Variants in TNRC6B observed in about 807,000 individuals in gnomAD.
TNRC6B encodes trinucleotide repeat containing adaptor 6B, also known as trinucleotide repeat-containing gene 6B protein.
In TNRC6B, 52 loss-of-function variants were observed where a neutral mutation model predicts 203.6. The observed-to-expected ratio is 0.26, with a 90% CI of 0.20 to 0.32. TNRC6B has a LOEUF of 0.32. Among genes scored for constraint, TNRC6B ranks in the 10% least tolerant of loss-of-function variants. TNRC6B has a pLI of 1.00. For synonymous variants in TNRC6B, 838 were observed against 845.7 expected, an observed-to-expected ratio of 0.99 and a Z score of 0.16; for missense variants, 1,923 against 2,286.2, an observed-to-expected ratio of 0.84 and a Z score of 3.24.
chr22:40,069,245 G>A (rs1329047797), intron 1 of TNRC6B, among the ~76,000 whole-genome samples: 1 of 151,882 alleles, frequency 6.6e-6, no homozygotes, highest in East Asian at 1.9e-4. Context: ...GGGATCACAG[G>A]TGCACACTAC....
intron 2 of TNRC6B, among the ~76,000 whole-genome samples, chr22:40,120,684 C>T (rs144111214): frequency 4.6e-5 from 7 of 152,158 alleles, no homozygotes; most frequent in Non-Finnish European, 8.8e-5. Context: ...AAGTAATATT[C>T]TCTTCCCTGC....
At chr22:40,307,964 T>G (rs1243880308) in intron 15 of TNRC6B, among the ~76,000 whole-genome samples, 1 of 152,170 alleles carries the variant, frequency 6.6e-6, no homozygotes, top group Non-Finnish European at 1.5e-5. Flanking sequence ...TCCGCCTCAC[T>G]TCATCCCAGA....
intron 21 of TNRC6B, 69 bp downstream of exon 21, chr22:40,316,081 A>G (rs1259879128): frequency 8.4e-6 from 12 of 1,435,318 alleles, no homozygotes; most frequent in Non-Finnish European, 1.2e-5. Flanking sequence ...AAGGTTGGGC[A>G]TGGTGGCTCA....
At chr22:40,054,720 G>T (rs1303078386) in intron 1 of TNRC6B, among the ~76,000 whole-genome samples, 2 of 152,156 alleles carry the variant, frequency 1.3e-5, no homozygotes, top group South Asian at 2.1e-4. Flanking sequence ...TTAAGAAAGA[G>T]AATTTAAAAT....
intron 10 of TNRC6B, among the ~76,000 whole-genome samples, 184 bp downstream of exon 10, chr22:40,280,327 C>T (rs935969234): frequency 6.6e-6 from 1 of 152,200 alleles, no homozygotes; most frequent in Non-Finnish European, 1.5e-5. Context: ...CAGGCAAGAG[C>T]AAGAACCATC....
At chr22:40,308,793 GT>G (rs2071130649) in intron 16 of TNRC6B, 144 bp downstream of exon 16, 4 of 996,688 alleles carry the variant, frequency 4.0e-6, no homozygotes, top group Non-Finnish European at 5.7e-6. Context: ...TCAGAGTCAT[GT>G]GTATGTTGAA....
At chr22:40,058,709 GTTGGA>G (rs1447256431) in intron 1 of TNRC6B, among the ~76,000 whole-genome samples, 1 of 152,206 alleles carries the variant, frequency 6.6e-6, no homozygotes, top group African/African-American at 2.4e-5. Context: ...GCGTGATGCT[GTTGGA>G]TACCCTGTCG....
chr22:40,247,314 G>C (rs1403727399), intron 2 of TNRC6B, among the ~76,000 whole-genome samples: 1 of 152,164 alleles, frequency 6.6e-6, no homozygotes, highest in East Asian at 1.9e-4. Flanking sequence ...GAAAGAAACT[G>C]TGATAAGGTT....
rs1434587577 is a variant in TNRC6B, at chr22:40,265,704, A to G, written c.1474A>G (p.Asn492Asp). 2 of 1,613,992 alleles carry G rather than the reference A, an allele frequency of 1.2e-6. No homozygotes were observed. The highest frequency in any genetic ancestry group is 2.2e-5 in the South Asian group (2 of 91,076). The part of the protein sequence containing the change: ...GSWNFGPQDS[N>D]DNKWGEGNKM... ...CTGGAACTTTGGCCCCCAGGACTCT[A>G]ATGACAACAAATGGGGTGAAGGGAA... Residue 492 changes from asparagine to aspartate, a missense_variant, in exon 5 of 23, where the codon AAT (asparagine) becomes GAT (aspartate). By Grantham distance (23) the Asn-to-Asp change is conservative. Coordinates refer to ENST00000454349, the MANE Select transcript of TNRC6B (RefSeq NM_001162501.2).
At chr22:40,235,949 A>G (rs2069941407) in intron 1 of TNRC6B, among the ~76,000 whole-genome samples, 1 of 152,202 alleles carries the variant, frequency 6.6e-6, no homozygotes, top group Admixed American at 6.5e-5. Flanking sequence ...AGATGAGTCA[A>G]TGTTTGAAGC....
In TNRC6B at chr22:40,323,388, CAG is replaced by C; in HGVS notation, c.*149_*150del. Reference sequence around the variant, plus strand: ...GAGAGAAAAAAAGGTGGGTCATTGACAGACTGTCTGAGCACATAGTTGCCTCC... The same window carrying C: ...GAGAGAAAAAAAGGTGGGTCATTGACACTGTCTGAGCACATAGTTGCCTCC... On this transcript the variant is annotated 3_prime_UTR_variant, in exon 23 of 23. Transcript: ENST00000454349. 1 of 1,038,096 alleles carries C rather than the reference CAG, an allele frequency of 9.6e-7. No individual in the cohort carries two copies. The highest frequency in any genetic ancestry group is 1.7e-5 in the South Asian group (1 of 57,372). 64.3% of individuals were successfully genotyped at this position (1,038,096 alleles called of 1,614,324 possible).
chr22:40,203,601 A>G (rs2069441116), intron 1 of TNRC6B, among the ~76,000 whole-genome samples: 1 of 152,196 alleles, frequency 6.6e-6, no homozygotes, highest in African/African-American at 2.4e-5. Flanking sequence ...TTCTTTAGTT[A>G]TAATAAGCTC....
chr22:40,255,894 C>T (rs943020805), intron 3 of TNRC6B, among the ~76,000 whole-genome samples: 10 of 152,042 alleles, frequency 6.6e-5, no homozygotes, highest in African/African-American at 2.4e-4. Flanking sequence ...GCTCTGTTGC[C>T]CCAGCTGGAG....
At chr22:40,206,899 C>T (rs952968987) in intron 1 of TNRC6B, among the ~76,000 whole-genome samples, 2 of 152,056 alleles carry the variant, frequency 1.3e-5, no homozygotes, top group South Asian at 2.1e-4. Context: ...CTCTTAGGGC[C>T]GCCGTAACAA....
chr22:40,251,090 T>G, intron 2 of TNRC6B, 89 bp from the exon 3 acceptor site: 2 of 1,113,738 alleles, frequency 1.8e-6, no homozygotes, highest in Non-Finnish European at 2.5e-6. Flanking sequence ...ACAGCTTGGA[T>G]TACTTGAGTT....
At chr22:40,045,087 C>T (rs2067674659) in intron 1 of TNRC6B, 1 of 144,426 alleles carries the variant, frequency 6.9e-6, no homozygotes, top group South Asian at 2.1e-4. Flanking sequence ...GCGAGGGCGC[C>T]CCCGGGGGCG....
intron 5 of TNRC6B, among the ~76,000 whole-genome samples, chr22:40,269,307 A>AT (rs1206074846): frequency 6.6e-6 from 1 of 150,786 alleles, no homozygotes; most frequent in African/African-American, 2.4e-5. Context: ...TAATTTTTGT[A>AT]TTTTTTGCTG....
chr22:40,267,805 G>A (rs923325171), intron 5 of TNRC6B, among the ~76,000 whole-genome samples: 6 of 152,136 alleles, frequency 3.9e-5, no homozygotes, highest in African/African-American at 1.4e-4. Flanking sequence ...GGAGATGGGA[G>A]GCTGTAGGGA....
At chr22:40,152,840 C>T (rs1406952464) in intron 3 of TNRC6B, among the ~76,000 whole-genome samples, 1 of 151,786 alleles carries the variant, frequency 6.6e-6, no homozygotes, top group African/African-American at 2.4e-5. Flanking sequence ...GTGGCTCACA[C>T]CTATAATCCC....
Sources: allele counts gnomAD v4.1 joint callset (sites outside exome capture counted in the v4.1 genomes callset), GRCh38; gene constraint gnomAD v4.1.1; transcripts MANE v1.5; gene names NCBI Gene and HGNC (gene_info 2026-07-23, HGNC 2026-07-21).